Variants in USP15 observed in about 807,000 individuals in gnomAD.
USP15 encodes ubiquitin specific peptidase 15, also known as ubiquitin carboxyl-terminal hydrolase 15.
USP15 carries 18 observed loss-of-function variants against 127.1 expected under a neutral mutation model. That is an observed-to-expected ratio of 0.14 (90% CI 0.10 to 0.21). The LOEUF is 0.21. Ranked by LOEUF, USP15 falls within the 10% of genes least tolerant of loss-of-function variation. USP15 has a pLI of 1.00. For synonymous variants in USP15, 364 were observed against 393.7 expected, an observed-to-expected ratio of 0.92 and a Z score of 0.89; for missense variants, 805 against 1,159.9, an observed-to-expected ratio of 0.69 and a Z score of 4.44.
At chr12:62,387,712 A>G (rs1009027042) in intron 11 of USP15, among the ~76,000 whole-genome samples, 3 of 152,192 alleles carry the variant, frequency 2.0e-5, no homozygotes, top group African/African-American at 7.2e-5. Context: ...ATGATAATAT[A>G]GATATCATTA....
At chr12:62,293,786 C>T (rs548336577) in intron 1 of USP15, among the ~76,000 whole-genome samples, 3 of 152,164 alleles carry the variant, frequency 2.0e-5, no homozygotes, top group Admixed American at 6.5e-5. Flanking sequence ...CCTTTACCTC[C>T]GAAACACACA....
intron 13 of USP15, 48 bp downstream of exon 13, chr12:62,389,747 TA>T: frequency 6.3e-7 from 1 of 1,598,768 alleles, no homozygotes; most frequent in African/African-American, 1.3e-5. Flanking sequence ...AAAAAATTAA[TA>T]GAAGTAACAT....
At chr12:62,349,191 A>G (rs1416577719) in intron 6 of USP15, 30 bp from the exon 7 acceptor site, 1 of 1,262,296 alleles carries the variant, frequency 7.9e-7, no homozygotes, top group Non-Finnish European at 1.1e-6. Flanking sequence ...TCATTTTTTT[A>G]TCTAATTTAA....
intron 7 of USP15, among the ~76,000 whole-genome samples, chr12:62,352,461 A>G (rs1024958672): frequency 3.9e-5 from 6 of 151,934 alleles, no homozygotes; most frequent in Non-Finnish European, 7.4e-5. Context: ...CTGCCCTGCT[A>G]TATTTGCTTT....
intron 8 of USP15, among the ~76,000 whole-genome samples, chr12:62,376,664 A>G (rs7954439): frequency 0.71 from 108,333 of 151,944 alleles, 38,855 homozygotes; most frequent in Non-Finnish European, 0.75. Context: ...AATCTCTTTC[A>G]TTTGTCATGA....
At chr12:62,374,504 T>TA in intron 8 of USP15, 1 of 985,742 alleles carries the variant, frequency 1.0e-6, no homozygotes, top group South Asian at 4.7e-5. Context: ...AACTTTCTCT[T>TA]TTTGAAGGGG....
At position 62,330,290 on chromosome 12, in the gene USP15, GA is replaced by G. The variant is rs201455925; in HGVS notation, c.683+4366del. Among the ~76,000 whole-genome samples, 4 of 149,182 alleles carry G rather than the reference GA, an allele frequency of 2.7e-5. No homozygotes were observed. In the East Asian group the frequency reaches 7.8e-4, roughly 29 times the overall value. ...CTTTTTTCTGGATGAAGCCTGGCTT[GA>G]AAAAAAAACAAATGGGGCTGGGCAC... On this transcript the variant is annotated intron_variant, in intron 6 of 21. Coordinates refer to ENST00000280377, the MANE Select transcript of USP15 (RefSeq NM_001252078.2).
intron 1 of USP15, among the ~76,000 whole-genome samples, chr12:62,266,533 G>C (rs1013909797): frequency 6.6e-6 from 1 of 152,062 alleles, no homozygotes; most frequent in Non-Finnish European, 1.5e-5. Flanking sequence ...TCTTAGTCTT[G>C]AATTTATCTT....
At chr12:62,284,526 A>T (rs978333325) in intron 1 of USP15, among the ~76,000 whole-genome samples, 2 of 152,194 alleles carry the variant, frequency 1.3e-5, no homozygotes, top group Non-Finnish European at 2.9e-5. Context: ...CCTTTGCTTT[A>T]GCTATTTTCG....
intron 6 of USP15, chr12:62,335,488 G>A (rs2137350967): frequency 8.2e-7 from 1 of 1,214,960 alleles, no homozygotes; most frequent in Non-Finnish European, 1.0e-6. Flanking sequence ...TACTCTACCT[G>A]TAGTATTTAT....
intron 7 of USP15, among the ~76,000 whole-genome samples, chr12:62,353,369 G>T (rs1019850176): frequency 1.3e-5 from 2 of 152,120 alleles, no homozygotes; most frequent in South Asian, 4.1e-4. Context: ...GCAAAGAAGA[G>T]TAGAGCTTCC....
intron 9 of USP15, among the ~76,000 whole-genome samples, chr12:62,382,570 T>G (rs2067023749): frequency 6.6e-6 from 1 of 151,978 alleles, no homozygotes; most frequent in Non-Finnish European, 1.5e-5. Context: ...TTCTAATTGG[T>G]TTTATTTTGG....
chr12:62,298,331 C>G (rs1454320125), intron 2 of USP15, among the ~76,000 whole-genome samples: 2 of 151,964 alleles, frequency 1.3e-5, no homozygotes, highest in Non-Finnish European at 2.9e-5. Flanking sequence ...TCGAGATCAG[C>G]TTGGGCAACA....
chr12:62,384,114 C>A lies in USP15; in HGVS notation c.1285C>A (p.Arg429=). The change falls in exon 11 of 22, where the codon CGA becomes AGA. Residue 429 remains arginine, a synonymous_variant. Transcript: ENST00000280377. ...AGAAGCCTGGGAAAACCATTTAAAA[C>A]GAAATGATTCTATCATAGTAGATAT... ...AEEAWENHLK[R]NDSIIVDIFH... 2 of 1,612,714 alleles carry A rather than the reference C, an allele frequency of 1.2e-6. No homozygotes were observed. Among genetic ancestry groups the A allele is most frequent in the Non-Finnish European group, 1.7e-6 (2 of 1,179,186 alleles).
At chr12:62,323,141 A>G (rs1333860152) in intron 5 of USP15, among the ~76,000 whole-genome samples, 2 of 152,166 alleles carry the variant, frequency 1.3e-5, no homozygotes, top group Non-Finnish European at 2.9e-5. Flanking sequence ...TCTACTTTGG[A>G]GAAAAGAATT....
At chr12:62,388,117 A>ATTTTTTTTTTTTTTTTTTTTTTTTTT (rs58192089) in intron 11 of USP15, among the ~76,000 whole-genome samples, 2 of 106,586 alleles carry the variant, frequency 1.9e-5, no homozygotes, top group African/African-American at 3.6e-5. Context: ...AATGGTGAAG[A>ATTTTTTTTTTTTTTTTTTTTTTTTTT]TTTTTTTTTT....
chr12:62,365,081 G>C (rs912989158), intron 8 of USP15, among the ~76,000 whole-genome samples: 1 of 152,084 alleles, frequency 6.6e-6, no homozygotes, highest in African/African-American at 2.4e-5. Context: ...CCAGTAATGG[G>C]ATTGCTGGGT....
rs1213784653 is a variant in USP15, at chr12:62,360,159, A to G, written c.915+4684A>G. Among the ~76,000 whole-genome samples the G allele has an allele frequency of 2.0e-5, 3 of 152,074 alleles. 1 individual carries two copies. The highest frequency in any genetic ancestry group is 2.9e-5 in the Non-Finnish European group (2 of 67,986). ...AGTAATGTGGTCTTTTCCATTGGAA[A>G]GCAGCATGGCATAAGATGGTTATTT... is the stretch of plus-strand genomic sequence containing the variant. On this transcript the variant is annotated intron_variant, in intron 8 of 21. Transcript: ENST00000280377.
intron 2 of USP15, among the ~76,000 whole-genome samples, chr12:62,302,481 AGCCCATGGGCTGCATGCG>A (rs2064346273): frequency 6.6e-6 from 1 of 152,256 alleles, no homozygotes; most frequent in Non-Finnish European, 1.5e-5. Flanking sequence ...TCCAACCTGC[AGCCCATGGGCTGCATGCG>A]GCCCAGGATG....
Sources: gnomAD v4.1 joint callset for allele counts (sites outside exome capture counted in the v4.1 genomes callset) on GRCh38, gnomAD v4.1.1 for gene constraint, MANE v1.5 for transcripts, NCBI Gene and HGNC (gene_info 2026-07-23, HGNC 2026-07-21) for gene names.